The following TMEM114 variants were observed in gnomAD, a reference collection of about 807,000 sequenced individuals.
TMEM114 encodes transmembrane protein 114, also known as claudin-26.
TMEM114 carries 6 observed loss-of-function variants against 6.2 expected under a neutral mutation model. The observed-to-expected ratio is 0.97, with a 90% CI of 0.53 to 1.91. The LOEUF (loss-of-function observed/expected upper bound fraction) is 1.91, where lower values mean the gene tolerates loss of function less well. Ranked by LOEUF, TMEM114 falls within the 40% of genes most tolerant of loss-of-function variation. The pLI is 0.01. For synonymous variants in TMEM114, 104 were observed against 73.0 expected, an observed-to-expected ratio of 1.42 and a Z score of -2.16; for missense variants, 218 against 158.3, an observed-to-expected ratio of 1.38 and a Z score of -2.02.
intron 2 of TMEM114, among the ~76,000 whole-genome samples, chr16:8,561,106 G>T (rs1208598275): frequency 6.6e-6 from 1 of 152,142 alleles, no homozygotes; most frequent in Non-Finnish European, 1.5e-5. Flanking sequence ...CTCGCACAGG[G>T]TCCCTCCTGG....
chr16:8,575,281 C>T (rs1901881677), intron 2 of TMEM114, among the ~76,000 whole-genome samples: 1 of 152,172 alleles, frequency 6.6e-6, no homozygotes, highest in Non-Finnish European at 1.5e-5. Context: ...TTATTAAATT[C>T]AGCAAACATA....
chr16:8,559,154 T>G (rs938240907), intron 2 of TMEM114, among the ~76,000 whole-genome samples: 1 of 152,164 alleles, frequency 6.6e-6, no homozygotes, highest in Admixed American at 6.6e-5. Context: ...GTGATTGTCC[T>G]GCCTCAGCCT....
intron 2 of TMEM114, among the ~76,000 whole-genome samples, chr16:8,577,615 GCT>G (rs1274994237): frequency 1.3e-5 from 2 of 149,408 alleles, no homozygotes; most frequent in African/African-American, 5.0e-5. Flanking sequence ...ATTGAGTCTC[GCT>G]CTGTCACCCA....
chr16:8,574,473 GA>G (rs957271070), intron 2 of TMEM114, among the ~76,000 whole-genome samples: 14 of 152,264 alleles, frequency 9.2e-5, no homozygotes, highest in African/African-American at 3.4e-4. Context: ...GGTGAGTCAA[GA>G]AAACAAGACT....
intron 2 of TMEM114, among the ~76,000 whole-genome samples, chr16:8,556,171 C>G (rs371471028): frequency 1.1e-4 from 16 of 152,308 alleles, no homozygotes; most frequent in African/African-American, 3.8e-4. Flanking sequence ...AGTCTGAATT[C>G]TTCTCTCCTT....
chr16:8,580,024 A>T (rs555126802), intron 2 of TMEM114, among the ~76,000 whole-genome samples: 1 of 152,142 alleles, frequency 6.6e-6, no homozygotes, highest in Non-Finnish European at 1.5e-5. Context: ...GAAAATGCCA[A>T]CATCCAGAAG....
Position 8,572,244 on chromosome 16 carries a change from A to T in TMEM114, c.302-20T>A. ...GCATGGCTTAGAAGAGACAGAGAGG[A>T]TACCAGGCAGAGGACAGTTACTAAC... On this transcript the variant is annotated intron_variant, in intron 2 of 3. Coordinates refer to ENST00000620492, the MANE Select transcript of TMEM114 (RefSeq NM_001146336.2). 1 of 1,551,614 alleles carries T rather than the reference A, an allele frequency of 6.4e-7. No individual in the cohort carries two copies. The highest frequency in any genetic ancestry group is 1.2e-5 in the South Asian group (1 of 84,060).
chr16:8,581,394 A>G (rs1050336968), intron 2 of TMEM114, among the ~76,000 whole-genome samples: 9 of 152,116 alleles, frequency 5.9e-5, no homozygotes, highest in African/African-American at 2.2e-4. Flanking sequence ...CTTGTTTTTC[A>G]CTGTTTCAAA....
At chr16:8,574,092 G>A (rs948140941) in intron 2 of TMEM114, among the ~76,000 whole-genome samples, 1 of 152,078 alleles carries the variant, frequency 6.6e-6, no homozygotes, top group African/African-American at 2.4e-5. Flanking sequence ...AAAACTGAGG[G>A]AGCCCAATAG....
chr16:8,531,345 C>G, the TMEM114 span, among the ~76,000 whole-genome samples: 1 of 152,172 alleles, frequency 6.6e-6, no homozygotes, highest in Non-Finnish European at 1.5e-5. Context: ...TCATTAATGC[C>G]TAAAACCACA....
At position 8,584,898 on chromosome 16, in the gene TMEM114, G is replaced by A. The variant is rs145326003; in HGVS notation, c.301+4315C>T. 1.1e-3 allele frequency among the ~76,000 whole-genome samples: 166 copies of A among 145,116 alleles called. 1 individual carries two copies. Among genetic ancestry groups the A allele is most frequent in the Middle Eastern group, 3.9e-3 (1 of 256 alleles). On this transcript the variant is annotated intron_variant, in intron 2 of 3. Coordinates refer to ENST00000620492, the MANE Select transcript of TMEM114 (RefSeq NM_001146336.2). The stretch of plus-strand genomic sequence containing the variant: ...GATCGCGCCATTGCACTCCAGCCTG[G>A]GCTACAAGAGTGAAACGCCGTCTCA...
At chr16:8,581,524 G>C (rs566125538) in intron 2 of TMEM114, among the ~76,000 whole-genome samples, 1 of 152,196 alleles carries the variant, frequency 6.6e-6, no homozygotes, top group African/African-American at 2.4e-5. Flanking sequence ...TGTGATCTCG[G>C]CCCACTGAAA....
At chr16:8,545,546 C>T (rs1567195578) in intron 2 of TMEM114, among the ~76,000 whole-genome samples, 1 of 152,286 alleles carries the variant, frequency 6.6e-6, no homozygotes, top group East Asian at 1.9e-4. Context: ...CTTAAATATT[C>T]ATGTGTATCA....
In TMEM114 at chr16:8,572,121, G is replaced by T; in HGVS notation, c.405C>A (p.Leu135=). 2 of 1,551,468 alleles carry T rather than the reference G, an allele frequency of 1.3e-6. No homozygotes were observed. The highest frequency in any genetic ancestry group is 1.2e-5 in the South Asian group (1 of 84,034). The part of the protein sequence containing the change: ...FLSFLLQAYL[L]LLLTGILFLF... The stretch of plus-strand genomic sequence containing the variant: ...GGAAGAGAATTCCAGTGAGCAGGAG[G>T]AGGAGGTAGGCTTGGAGGAGGAAGC... Residue 135 remains leucine, a synonymous_variant, in exon 3 of 4, where the codon CTC becomes CTA. Transcript: ENST00000620492.
intron 2 of TMEM114, among the ~76,000 whole-genome samples, chr16:8,583,680 C>T (rs1455643192): frequency 1.3e-5 from 2 of 151,494 alleles, no homozygotes; most frequent in African/African-American, 2.4e-5. Context: ...CCTGGGAGTT[C>T]GAGGCTGCAG....
chr16:8,572,026 C>G (rs1555464868), intron 3 of TMEM114, 61 bp downstream of exon 3: 1 of 1,470,856 alleles, frequency 6.8e-7, no homozygotes. Flanking sequence ...GGTTCATACA[C>G]AGTACCCATT....
chr16:8,555,039 C>T (rs1297282956), intron 2 of TMEM114, among the ~76,000 whole-genome samples: 1 of 152,230 alleles, frequency 6.6e-6, no homozygotes, highest in African/African-American at 2.4e-5. Context: ...CCTTCCCACT[C>T]ATGGGGTTTC....
chr16:8,537,316 C>T (rs530609376), downstream of TMEM114, among the ~76,000 whole-genome samples: 3 of 152,254 alleles, frequency 2.0e-5, no homozygotes, highest in East Asian at 1.9e-4. Flanking sequence ...GCCTGGCCAA[C>T]ATCATGAAAC....
At chr16:8,563,318 G>C (rs1047970635) in intron 2 of TMEM114, among the ~76,000 whole-genome samples, 15 of 133,406 alleles carry the variant, frequency 1.1e-4, no homozygotes, top group African/African-American at 4.0e-4. Context: ...AGTGAGGGAG[G>C]GAGGGTATGA....
Sources: allele counts gnomAD v4.1 joint callset (sites outside exome capture counted in the v4.1 genomes callset), GRCh38; gene constraint gnomAD v4.1.1; transcripts MANE v1.5; gene names NCBI Gene and HGNC (gene_info 2026-07-23, HGNC 2026-07-21).